The following IKBKB variants were observed in gnomAD, a reference collection of about 807,000 sequenced individuals.
The protein encoded by IKBKB is inhibitor of nuclear factor kappa B kinase subunit beta, also known as inhibitor of nuclear factor kappa-B kinase subunit beta.
A neutral mutation model predicts 113.6 loss-of-function variants in IKBKB; 42 were observed. The observed-to-expected ratio is 0.37, with a 90% CI of 0.29 to 0.48. The LOEUF is 0.48. IKBKB is among the 20% of genes least tolerant of loss of function. IKBKB has a pLI of 0.99. For synonymous variants in IKBKB, 296 were observed against 361.3 expected, an observed-to-expected ratio of 0.82 and a Z score of 2.05; for missense variants, 673 against 939.7, an observed-to-expected ratio of 0.72 and a Z score of 3.71.
At chr8:42,304,676 C>G (rs933746850) in intron 5 of IKBKB, among the ~76,000 whole-genome samples, 2 of 152,242 alleles carry the variant, frequency 1.3e-5, no homozygotes, top group African/African-American at 4.8e-5. Context: ...CCTCTTGGGA[C>G]TGTCGATCAT....
At chr8:42,314,201 T>C (rs1818243704) in intron 8 of IKBKB, 121 bp from the exon 9 acceptor site, 1 of 766,650 alleles carries the variant, frequency 1.3e-6, no homozygotes, top group Admixed American at 1.8e-5. Context: ...TGTAGTAGGC[T>C]AAACCATCTA....
At chr8:42,330,162 G>A in intron 21 of IKBKB, 1 of 985,378 alleles carries the variant, frequency 1.0e-6, no homozygotes, top group Non-Finnish European at 1.2e-6. Flanking sequence ...GTGAGCATGG[G>A]AGTGAGTGCT....
At chr8:42,293,649 G>A in intron 5 of IKBKB, 137 bp downstream of exon 5, 2 of 1,458,300 alleles carry the variant, frequency 1.4e-6, no homozygotes, top group East Asian at 2.4e-5. Context: ...CAGGGACGGG[G>A]GACCCTGGTG....
chr8:42,297,979 A>G, intron 5 of IKBKB: 1 of 467,300 alleles, frequency 2.1e-6, no homozygotes, highest in Non-Finnish European at 2.8e-6. Context: ...CTTCTGCCAG[A>G]CCATCACTCC....
In IKBKB at chr8:42,316,824, G is replaced by A. The variant is rs747228090; in HGVS notation, c.1045G>A (p.Glu349Lys). Residue 349 changes from glutamate (E) to lysine (K), a missense_variant, in exon 11 of 22, where the codon GAG (glutamate) becomes AAG (lysine). Around this residue, in one of 2 missense-constraint regions of IKBKB, gnomAD observed 506 missense variants for 638.7 expected, o/e 0.79. Transcript: ENST00000520810. The surrounding 1 kb of genome is among the most constrained non-coding windows in gnomAD (Gnocchi z 4.5). ...CCAACAGGACACGGGCATCCCAGAG[G>A]AGGACCAGGAGCTGCTGCAGGAAGC... Reference protein sequence around the residue: ...RIQQDTGIPEEDQELLQEAGL... With the variant: ...RIQQDTGIPEKDQELLQEAGL... 6.2e-7 allele frequency: 1 copy of A among 1,614,182 alleles called. No individual in the cohort carries two copies. Among genetic ancestry groups the A allele is most frequent in the East Asian group, 2.2e-5 (1 of 44,880 alleles).
chr8:42,284,003 C>T (rs1219589875), intron 2 of IKBKB, among the ~76,000 whole-genome samples: 1 of 152,196 alleles, frequency 6.6e-6, no homozygotes. Context: ...GTTTGTGGAA[C>T]CCTGCGTTCC....
chr8:42,326,859 TC>T (rs1336566310), intron 20 of IKBKB, among the ~76,000 whole-genome samples: 3 of 152,074 alleles, frequency 2.0e-5, no homozygotes, highest in Non-Finnish European at 4.4e-5. Context: ...GCCCATCTCT[TC>T]CTGTGTTTTG....
At chr8:42,312,314 C>T (rs942363217) in intron 8 of IKBKB, among the ~76,000 whole-genome samples, 171 of 152,298 alleles carry the variant, frequency 1.1e-3, no homozygotes, top group African/African-American at 3.9e-3. Context: ...AAATACATTC[C>T]TAATGGCCCA....
At chr8:42,314,883 C>G (rs1818385713) in intron 9 of IKBKB, among the ~76,000 whole-genome samples, 1 of 152,158 alleles carries the variant, frequency 6.6e-6, no homozygotes, top group African/African-American at 2.4e-5. Context: ...CATAGTCCTT[C>G]TTAATCTTAA....
chr8:42,298,624 C>A, intron 5 of IKBKB: 1 of 303,560 alleles, frequency 3.3e-6, no homozygotes, highest in Non-Finnish European at 4.8e-6. Context: ...TTAATAAATA[C>A]AGTAACAATG....
intron 4 of IKBKB, among the ~76,000 whole-genome samples, chr8:42,292,705 A>G (rs1812906243): frequency 6.6e-6 from 1 of 152,182 alleles, no homozygotes. Flanking sequence ...GCCAGCTCCC[A>G]GCAGCACACA....
chr8:42,330,852 G>A (rs763426219), intron 21 of IKBKB, 62 bp from the exon 22 acceptor site: 8 of 1,613,358 alleles, frequency 5.0e-6, no homozygotes, highest in South Asian at 1.1e-5. Context: ...CTCCTGAAGA[G>A]GAAAAATAAC....
intron 2 of IKBKB, among the ~76,000 whole-genome samples, chr8:42,280,520 C>CAGATCCTGGCTCT (rs1308897694): frequency 2.0e-5 from 3 of 152,212 alleles, no homozygotes; most frequent in African/African-American, 7.2e-5. Context: ...GACCTGGGTT[C>CAGATCCTGGCTCT]AGATCCTGGC....
intron 5 of IKBKB, among the ~76,000 whole-genome samples, chr8:42,294,136 G>C (rs1326570632): frequency 6.6e-6 from 1 of 152,242 alleles, no homozygotes; most frequent in African/African-American, 2.4e-5. Context: ...CAGGGAGAGG[G>C]ACTTGCTCAG....
At chr8:42,286,479 T>C (rs1811443437) in intron 2 of IKBKB, among the ~76,000 whole-genome samples, 1 of 152,170 alleles carries the variant, frequency 6.6e-6, no homozygotes, top group Non-Finnish European at 1.5e-5. Flanking sequence ...TCTGTGTGTC[T>C]TTTTTTGTTT....
At chr8:42,295,849 T>G (rs2130389641) in intron 5 of IKBKB, among the ~76,000 whole-genome samples, 1 of 152,362 alleles carries the variant, frequency 6.6e-6, no homozygotes. Flanking sequence ...TCTTTTGGTC[T>G]GGGTCCACTT....
chr8:42,319,237 A>T, intron 13 of IKBKB, 33 bp from the exon 14 acceptor site: 1 of 1,603,478 alleles, frequency 6.2e-7, no homozygotes, highest in Non-Finnish European at 8.5e-7. Context: ...GATCCCAGAG[A>T]TGCTCCAAGA....
rs1821647435 is a variant in IKBKB, at chr8:42,331,166, T to C, written c.*187T>C. ...GGGGTCTCTGGTATCCAGATGGAGC[T>C]CTCGCTTCCTCAGCAGCTGTGACTT... On this transcript the variant is annotated 3_prime_UTR_variant, in exon 22 of 22. Coordinates refer to ENST00000520810, the MANE Select transcript of IKBKB (RefSeq NM_001556.3). 1.1e-6 allele frequency: 1 copy of C among 876,852 alleles called. No individual in the cohort carries two copies. The highest frequency in any genetic ancestry group is 2.0e-5 in the Admixed American group (1 of 49,830). 54.3% of individuals were successfully genotyped at this position (876,852 alleles called of 1,614,324 possible). A position where few individuals can be genotyped will look rare whatever the true frequency, so the allele number is the denominator to read the frequency against.
At chr8:42,297,655 G>A (rs1416728088) in intron 5 of IKBKB, among the ~76,000 whole-genome samples, 1 of 152,204 alleles carries the variant, frequency 6.6e-6, no homozygotes, top group Admixed American at 6.5e-5. Context: ...AGCACTGTGG[G>A]AGGCTGAGGC....
Sources: gnomAD v4.1 joint callset for allele counts (sites outside exome capture counted in the v4.1 genomes callset) on GRCh38, gnomAD v4.1.1 for gene constraint, gnomAD v4.1.1 regional missense constraint, Gnocchi (gnomAD v3.1) non-coding constraint, MANE v1.5 for transcripts, NCBI Gene and HGNC (gene_info 2026-07-23, HGNC 2026-07-21) for gene names.